The following IL1RAPL2 variants were observed in gnomAD, a reference collection of about 807,000 sequenced individuals.
IL1RAPL2 encodes the protein interleukin 1 receptor accessory protein like 2, also known as X-linked interleukin-1 receptor accessory protein-like 2.
In IL1RAPL2, 3 loss-of-function variants were observed where a neutral mutation model predicts 44.1. The observed-to-expected ratio is 0.07, with a 90% CI of 0.03 to 0.18. The LOEUF (loss-of-function observed/expected upper bound fraction) is 0.18, where lower values mean the gene tolerates loss of function less well. IL1RAPL2 is among the 10% of genes least tolerant of loss of function. IL1RAPL2 has a pLI of 1.00. For missense variants in IL1RAPL2, 391 were observed against 496.4 expected (o/e 0.79, Z 2.02); for synonymous variants, 181 against 178.8 (o/e 1.01, Z -0.10).
chrX:105,219,182 C>A, intron 3 of IL1RAPL2: 1 of 1,210,863 alleles, frequency 8.3e-7, no homozygotes, highest in East Asian at 3.0e-5. Flanking sequence ...GTATCAAAGG[C>A]CTCCCAGTCG....
chrX:104,830,778 A>T (rs936737824), intron 2 of IL1RAPL2, among the ~76,000 whole-genome samples: 1 of 112,147 alleles, frequency 8.9e-6, no homozygotes, highest in African/African-American at 3.2e-5. Flanking sequence ...ATAAAGAGGA[A>T]ATTAGGAAAA....
At chrX:104,842,475 G>A (rs771496684) in intron 2 of IL1RAPL2, among the ~76,000 whole-genome samples, 14 of 111,203 alleles carry the variant, frequency 1.3e-4, no homozygotes, top group Non-Finnish European at 2.3e-4. Context: ...CAGCATTCTC[G>A]CTTTTGGAAT....
At chrX:104,659,282 G>A (rs754026386) in intron 2 of IL1RAPL2, among the ~76,000 whole-genome samples, 1 of 111,687 alleles carries the variant, frequency 9.0e-6, no homozygotes, top group South Asian at 3.8e-4. Flanking sequence ...ATAAATACCT[G>A]GGAGCAAACA....
intron 2 of IL1RAPL2, among the ~76,000 whole-genome samples, chrX:104,964,202 G>A (rs1244607450): frequency 9.0e-6 from 1 of 111,275 alleles, no homozygotes; most frequent in Non-Finnish European, 1.9e-5. Context: ...GTCTTTGCCT[G>A]AAAAATATGT....
chrX:104,700,110 T>C (rs954858881), intron 2 of IL1RAPL2, among the ~76,000 whole-genome samples: 6 of 111,932 alleles, frequency 5.4e-5, no homozygotes, highest in African/African-American at 1.9e-4. Context: ...ACCAATATTA[T>C]TGACATTTTT....
chrX:105,636,544 G>T (rs2037524818), intron 6 of IL1RAPL2, among the ~76,000 whole-genome samples: 1 of 111,231 alleles, frequency 9.0e-6, no homozygotes, highest in Non-Finnish European at 1.9e-5. Context: ...GTGACCCTTA[G>T]ATACAGACAG....
intron 2 of IL1RAPL2, among the ~76,000 whole-genome samples, chrX:105,050,935 G>C (rs1375075933): frequency 8.9e-6 from 1 of 112,448 alleles, no homozygotes; most frequent in Non-Finnish European, 1.9e-5. Context: ...CCAGTTGTCT[G>C]TCCCTCCTCT....
chrX:105,508,645 A>C (rs1008488879), intron 6 of IL1RAPL2, among the ~76,000 whole-genome samples: 1 of 108,174 alleles, frequency 9.2e-6, no homozygotes, highest in African/African-American at 3.5e-5. Flanking sequence ...AGAAGCTGGC[A>C]GAAAAGAAAA....
At chrX:104,624,314 A>G (rs1438979175) in intron 1 of IL1RAPL2, among the ~76,000 whole-genome samples, 2 of 111,339 alleles carry the variant, frequency 1.8e-5, no homozygotes, top group African/African-American at 6.5e-5. Context: ...TAAAATATTT[A>G]CAACGCATGT....
intron 1 of IL1RAPL2, among the ~76,000 whole-genome samples, chrX:104,635,914 G>A (rs1448262094): frequency 1.8e-5 from 2 of 111,928 alleles, no homozygotes; most frequent in Admixed American, 9.5e-5. Context: ...AGGAGGAGAG[G>A]CACTCTGATT....
chrX:105,316,682 A>G (rs2034844302), intron 5 of IL1RAPL2, among the ~76,000 whole-genome samples: 1 of 112,042 alleles, frequency 8.9e-6, no homozygotes, highest in Admixed American at 9.5e-5. Context: ...ATCCATGTGC[A>G]AATGTTTGGG....
intron 6 of IL1RAPL2, among the ~76,000 whole-genome samples, chrX:105,487,955 C>T (rs746698685): frequency 2.7e-5 from 3 of 112,145 alleles, no homozygotes; most frequent in Non-Finnish European, 5.6e-5. Flanking sequence ...TGAAGTTTAT[C>T]AAACACATTC....
chrX:105,440,279 T>G (rs2035911513), intron 5 of IL1RAPL2, among the ~76,000 whole-genome samples: 1 of 112,267 alleles, frequency 8.9e-6, no homozygotes. Flanking sequence ...TGATTGATGA[T>G]AGCATTTTAA....
At chrX:105,762,932 C>T (rs747143301) in intron 10 of IL1RAPL2, among the ~76,000 whole-genome samples, 106 of 109,696 alleles carry the variant, frequency 9.7e-4, no homozygotes, top group African/African-American at 3.0e-3. Context: ...CTTTTAAAAA[C>T]GTTTTCTGAA....
At chrX:104,934,590 A>G (rs1924985089) in intron 2 of IL1RAPL2, among the ~76,000 whole-genome samples, 1 of 111,432 alleles carries the variant, frequency 9.0e-6, no homozygotes, top group Non-Finnish European at 1.9e-5. Flanking sequence ...TGAAGAATGG[A>G]TATCCAGTTT....
intron 2 of IL1RAPL2, among the ~76,000 whole-genome samples, chrX:104,950,943 A>G (rs1484575814): frequency 9.0e-6 from 1 of 111,313 alleles, no homozygotes; most frequent in East Asian, 2.8e-4. Flanking sequence ...CTGATTTTCC[A>G]GGTGCCGTCT....
intron 2 of IL1RAPL2, among the ~76,000 whole-genome samples, chrX:104,825,838 T>A (rs1921435453): frequency 8.9e-6 from 1 of 112,070 alleles, no homozygotes; most frequent in African/African-American, 3.2e-5. Context: ...TAGGTCATTC[T>A]TATGGTCTTG....
intron 2 of IL1RAPL2, among the ~76,000 whole-genome samples, chrX:105,176,087 C>A (rs1216564301): frequency 1.8e-5 from 2 of 110,774 alleles, no homozygotes; most frequent in Admixed American, 1.9e-4. Flanking sequence ...GGTAGTACTT[C>A]CTGGTTAACT....
At chrX:104,648,059 C>A in intron 1 of IL1RAPL2, 1 of 481,633 alleles carries the variant, frequency 2.1e-6, no homozygotes, top group East Asian at 3.9e-5. Flanking sequence ...CATGAATTCC[C>A]CAGCCACACA....
Sources: gnomAD v4.1 joint callset for allele counts (sites outside exome capture counted in the v4.1 genomes callset) on GRCh38, gnomAD v4.1.1 for gene constraint, MANE v1.5 for transcripts, NCBI Gene and HGNC (gene_info 2026-07-23, HGNC 2026-07-21) for gene names.